Variants in APLF observed in about 807,000 individuals in gnomAD.
APLF encodes aprataxin and PNK-like factor.
Under a neutral mutation model 55.6 loss-of-function variants are expected in APLF, and 61 were observed. That is an observed-to-expected ratio of 1.10 (90% confidence interval 0.89 to 1.36). The LOEUF (loss-of-function observed/expected upper bound fraction) is 1.36, where lower values mean the gene tolerates loss of function less well. Ranked by LOEUF, APLF falls within the 40% of genes most tolerant of loss-of-function variation. APLF has a pLI of 0.00. For synonymous variants in APLF, 207 were observed against 214.8 expected (o/e 0.96, Z 0.32); for missense variants, 611 against 602.5 (o/e 1.01, Z -0.15).
intron 6 of APLF, chr2:68,528,908 G>T: frequency 6.6e-7 from 1 of 1,523,864 alleles, no homozygotes; most frequent in Non-Finnish European, 8.8e-7. Context: ...CCTAGAGGTG[G>T]AGGCTGCTTC....
At chr2:68,498,286 G>A (rs1026820994) in intron 2 of APLF, among the ~76,000 whole-genome samples, 1 of 152,138 alleles carries the variant, frequency 6.6e-6, no homozygotes, top group Non-Finnish European at 1.5e-5. Context: ...AAAAATCTTT[G>A]TAAAATTACA....
chr2:68,470,267 T>G (rs772572552), intron 1 of APLF, among the ~76,000 whole-genome samples: 6 of 152,140 alleles, frequency 3.9e-5, no homozygotes, highest in Non-Finnish European at 8.8e-5. Context: ...AATTGCAAAA[T>G]TTCAAAAATG....
chr2:68,480,768 T>C (rs1313339470), intron 1 of APLF, among the ~76,000 whole-genome samples: 2 of 152,238 alleles, frequency 1.3e-5, no homozygotes, highest in African/African-American at 4.8e-5. Flanking sequence ...ATATGCCCTT[T>C]ATTGTGTTGA....
intron 8 of APLF, among the ~76,000 whole-genome samples, 159 bp downstream of exon 8, chr2:68,545,471 T>C (rs1670679734): frequency 6.6e-6 from 1 of 152,336 alleles, no homozygotes. Context: ...TAGGATGATA[T>C]TTCTTTTAGC....
chr2:68,506,519 G>A (rs1432333575), intron 3 of APLF, among the ~76,000 whole-genome samples: 2 of 151,974 alleles, frequency 1.3e-5, no homozygotes, highest in Non-Finnish European at 2.9e-5. Context: ...TGTTGTACAA[G>A]CTTTACATGT....
intron 1 of APLF, among the ~76,000 whole-genome samples, chr2:68,475,549 C>T (rs1349261778): frequency 6.6e-6 from 1 of 152,076 alleles, no homozygotes; most frequent in Non-Finnish European, 1.5e-5. Context: ...ATATATTAAC[C>T]TTTTAAAGAG....
chr2:68,488,577 C>A (rs1676259592), intron 1 of APLF, among the ~76,000 whole-genome samples: 1 of 151,952 alleles, frequency 6.6e-6, no homozygotes, highest in African/African-American at 2.4e-5. Context: ...CTCAAGGAGT[C>A]TTCCCACTTC....
chr2:68,553,764 A>G (rs1395853042), intron 8 of APLF, among the ~76,000 whole-genome samples: 1 of 152,132 alleles, frequency 6.6e-6, no homozygotes, highest in Admixed American at 6.6e-5. Flanking sequence ...TGGAAGAGAG[A>G]TGAAATTCAT....
intron 5 of APLF, among the ~76,000 whole-genome samples, chr2:68,516,693 T>C (rs1468276133): frequency 6.7e-6 from 1 of 149,858 alleles, no homozygotes; most frequent in Non-Finnish European, 1.5e-5. Flanking sequence ...CAATGTTTGG[T>C]TTTTCATTCC....
intron 9 of APLF, among the ~76,000 whole-genome samples, chr2:68,571,233 A>G (rs1671451686): frequency 1.3e-5 from 2 of 151,940 alleles, no homozygotes; most frequent in African/African-American, 2.4e-5. Flanking sequence ...ATTTTTTCCA[A>G]TTCTGTAGGT....
Position 68,526,260 on chromosome 2 carries a change from A to G in APLF, c.804+18A>G. The G allele has an allele frequency of 6.3e-7, 1 of 1,593,388 alleles. No homozygotes were observed. The highest frequency in any genetic ancestry group is 1.4e-5 in the African/African-American group (1 of 73,866). On this transcript the variant is annotated intron_variant, in intron 6 of 9. Coordinates refer to ENST00000303795, the MANE Select transcript of APLF (RefSeq NM_173545.3). ...CATCCAAGGTGATTTTAAAAAATTC[A>G]TTATTTGATTGTTTTTTTGTTAGGT...
At chr2:68,506,039 A>G (rs892029883) in intron 3 of APLF, among the ~76,000 whole-genome samples, 1 of 151,990 alleles carries the variant, frequency 6.6e-6, no homozygotes, top group Non-Finnish European at 1.5e-5. Context: ...TGTGAATAAC[A>G]AAAGACGCTC....
At chr2:68,563,542 C>CT (rs1199775868) in intron 8 of APLF, among the ~76,000 whole-genome samples, 1 of 152,048 alleles carries the variant, frequency 6.6e-6, no homozygotes, top group Non-Finnish European at 1.5e-5. Flanking sequence ...TCTGTCTTCA[C>CT]TTTCTCTTCT....
At chr2:68,481,662 G>C (rs542011566) in intron 1 of APLF, among the ~76,000 whole-genome samples, 1 of 152,122 alleles carries the variant, frequency 6.6e-6, no homozygotes, top group African/African-American at 2.4e-5. Flanking sequence ...CAAGGCTTGG[G>C]AGGTTTTCAG....
At chr2:68,548,449 C>G (rs542636458) in intron 8 of APLF, among the ~76,000 whole-genome samples, 1 of 151,754 alleles carries the variant, frequency 6.6e-6, no homozygotes, top group Non-Finnish European at 1.5e-5. Flanking sequence ...AAAAGGAAAT[C>G]CAAATATTAA....
At chr2:68,500,139 C>T (rs1269761449) in intron 2 of APLF, among the ~76,000 whole-genome samples, 1 of 151,978 alleles carries the variant, frequency 6.6e-6, no homozygotes. Context: ...ACTTCATGTA[C>T]GTATAGCATT....
At position 68,553,175 on chromosome 2, in the gene APLF, TC is replaced by T. The variant is rs143019515; in HGVS notation, c.1286+7864del. Among the ~76,000 whole-genome samples the T allele has an allele frequency of 9.8e-3, 1,485 of 152,222 alleles. 29 individuals are homozygous for T. The highest frequency in any genetic ancestry group is 0.034 in the African/African-American group (1,414 of 41,546). ...AAAGTATCACTGGGGGGTTGTCTTT[TC>T]AGCCAAATGTCAAAATAATATTTTG... On this transcript the variant is annotated intron_variant, in intron 8 of 9. Coordinates refer to ENST00000303795, the MANE Select transcript of APLF (RefSeq NM_173545.3).
intron 9 of APLF, among the ~76,000 whole-genome samples, chr2:68,567,657 A>C (rs1042190751): frequency 5.3e-5 from 8 of 152,058 alleles, no homozygotes; most frequent in Non-Finnish European, 1.2e-4. Context: ...AAAATCTCAA[A>C]CTGGCCTAAA....
intron 3 of APLF, among the ~76,000 whole-genome samples, chr2:68,511,759 A>T (rs1369804402): frequency 6.6e-6 from 1 of 151,714 alleles, no homozygotes; most frequent in African/African-American, 2.4e-5. Flanking sequence ...GGACAATCAG[A>T]CATTTCCAAG....
Sources: allele counts gnomAD v4.1 joint callset (sites outside exome capture counted in the v4.1 genomes callset), GRCh38; gene constraint gnomAD v4.1.1; transcripts MANE v1.5; gene names NCBI Gene and HGNC (gene_info 2026-07-23, HGNC 2026-07-21).